The following GTF2IRD1 variants were observed in gnomAD, a reference collection of about 807,000 sequenced individuals.
GTF2IRD1 encodes the protein general transcription factor II-I repeat domain-containing protein 1.
Under a neutral mutation model 113.2 loss-of-function variants are expected in GTF2IRD1, and 26 were observed. The observed-to-expected ratio is 0.23, with a 90% CI of 0.17 to 0.32. The LOEUF (loss-of-function observed/expected upper bound fraction) is 0.32, where lower values mean the gene tolerates loss of function less well. Among genes scored for constraint, GTF2IRD1 ranks in the 10% least tolerant of loss-of-function variants. The probability of loss-of-function intolerance (pLI) is 1.00; values close to 1 mark genes in which losing one functional copy is unlikely to be tolerated. For missense variants in GTF2IRD1, 864 were observed against 1,280.8 expected (o/e 0.67, Z 4.97); for synonymous variants, 484 against 529.1 (o/e 0.91, Z 1.17).
intron 9 of GTF2IRD1, among the ~76,000 whole-genome samples, chr7:74,533,757 G>A (rs1467192538): frequency 6.6e-6 from 1 of 152,162 alleles, no homozygotes; most frequent in Non-Finnish European, 1.5e-5. Context: ...CACAAGGCCA[G>A]GCACAGTGGC....
intron 22 of GTF2IRD1, chr7:74,571,269 G>GTC: frequency 4.8e-6 from 1 of 207,502 alleles, no homozygotes; most frequent in Non-Finnish European, 8.4e-6. Context: ...GGCCACCCTG[G>GTC]AGTGCATGAC....
At chr7:74,540,779 C>G (rs1232487298) in intron 14 of GTF2IRD1, among the ~76,000 whole-genome samples, 3 of 151,800 alleles carry the variant, frequency 2.0e-5, no homozygotes, top group East Asian at 2.0e-4. Flanking sequence ...AGAGACCCAT[C>G]TCTTAAATTT....
At chr7:74,543,753 T>C (rs1554352377) in intron 14 of GTF2IRD1, among the ~76,000 whole-genome samples, 1 of 149,690 alleles carries the variant, frequency 6.7e-6, no homozygotes, top group South Asian at 2.1e-4. Flanking sequence ...TTTTAAAAAG[T>C]AGCCAGCCGT....
At chr7:74,480,883 C>T (rs60965041) in intron 1 of GTF2IRD1, among the ~76,000 whole-genome samples, 23,115 of 152,164 alleles carry the variant, frequency 0.15, 2,243 homozygotes, top group African/African-American at 0.27. Context: ...TCCTAAATCC[C>T]GTCCTCCACG....
intron 14 of GTF2IRD1, among the ~76,000 whole-genome samples, chr7:74,544,364 T>G: frequency 6.6e-6 from 1 of 152,164 alleles, no homozygotes; most frequent in Non-Finnish European, 1.5e-5. Context: ...TTTTGTATTT[T>G]TAGTAGAGAC....
At chr7:74,501,308 G>T (rs143428768) in intron 1 of GTF2IRD1, among the ~76,000 whole-genome samples, 167 of 152,332 alleles carry the variant, frequency 1.1e-3, no homozygotes, top group African/African-American at 3.8e-3. Context: ...GATTTAGTTG[G>T]TATGACCCGA....
intron 1 of GTF2IRD1, among the ~76,000 whole-genome samples, chr7:74,503,775 A>G (rs1796156835): frequency 6.6e-6 from 1 of 152,194 alleles, no homozygotes; most frequent in African/African-American, 2.4e-5. Flanking sequence ...CTTTTATTTT[A>G]GATTCTCAGG....
At chr7:74,558,718 C>A in intron 20 of GTF2IRD1, 143 bp from the exon 21 acceptor site, 3 of 573,820 alleles carry the variant, frequency 5.2e-6, no homozygotes, top group Non-Finnish European at 9.0e-6. Flanking sequence ...TACCTTTCCA[C>A]AGTGCTACAC....
chr7:74,580,304 C>T (rs1467817229), intron 22 of GTF2IRD1, among the ~76,000 whole-genome samples: 3 of 152,268 alleles, frequency 2.0e-5, no homozygotes, highest in Non-Finnish European at 4.4e-5. Context: ...CATTATCCCA[C>T]GCTTCTGCTA....
At chr7:74,479,548 A>G (rs1794618486) in intron 1 of GTF2IRD1, among the ~76,000 whole-genome samples, 1 of 152,210 alleles carries the variant, frequency 6.6e-6, no homozygotes, top group African/African-American at 2.4e-5. Flanking sequence ...GTAGAAGAGC[A>G]GGGCCTGGGC....
chr7:74,469,559 G>T (rs913331795), intron 1 of GTF2IRD1, among the ~76,000 whole-genome samples: 3 of 152,158 alleles, frequency 2.0e-5, no homozygotes, highest in Non-Finnish European at 2.9e-5. Flanking sequence ...CCTTTTCTCA[G>T]TGAGTATAAT....
intron 1 of GTF2IRD1, among the ~76,000 whole-genome samples, chr7:74,473,892 G>C (rs1228282456): frequency 1.3e-5 from 2 of 152,104 alleles, no homozygotes; most frequent in Non-Finnish European, 2.9e-5. Context: ...TTCGAGACCA[G>C]CCTGACCAAC....
chr7:74,540,905 G>A (rs1489481510), intron 14 of GTF2IRD1, among the ~76,000 whole-genome samples: 1 of 151,956 alleles, frequency 6.6e-6, no homozygotes, highest in Non-Finnish European at 1.5e-5. Flanking sequence ...GGGATTACAG[G>A]CGCCCGCCAC....
intron 22 of GTF2IRD1, among the ~76,000 whole-genome samples, chr7:74,588,996 C>G (rs1389233431): frequency 6.6e-6 from 1 of 152,132 alleles, no homozygotes; most frequent in African/African-American, 2.4e-5. Context: ...AGGGAAGCAG[C>G]CCTGCCTCTT....
intron 1 of GTF2IRD1, among the ~76,000 whole-genome samples, chr7:74,488,311 T>C (rs569517131): frequency 6.6e-6 from 1 of 152,224 alleles, no homozygotes; most frequent in African/African-American, 2.4e-5. Flanking sequence ...ACACTCAGAA[T>C]CTTCAAATCT....
chr7:74,581,727 T>G (rs1216215575), intron 22 of GTF2IRD1, among the ~76,000 whole-genome samples: 3 of 152,060 alleles, frequency 2.0e-5, no homozygotes, highest in Non-Finnish European at 4.4e-5. Context: ...GCTCAGCTGG[T>G]CTGGGCACGA....
chr7:74,511,473 A>AT lies in GTF2IRD1; in HGVS notation c.124-1351dup, dbSNP rs554782737. On this transcript the variant is annotated intron_variant, in intron 2 of 26. Coordinates refer to ENST00000424337, the MANE Select transcript of GTF2IRD1 (RefSeq NM_005685.4). ...AGAAACAGCTGGATTTATTTGTTTT[A>AT]TTTTTTGTTAATAGTCTACAGTGTT... Among the ~76,000 whole-genome samples, 6 of 152,258 alleles carry AT rather than the reference A, an allele frequency of 3.9e-5. No individual in the cohort carries two copies. The East Asian group carries it at 9.6e-4, about 24-fold the overall frequency.
At chr7:74,533,283 C>T (rs1798082411) in intron 9 of GTF2IRD1, among the ~76,000 whole-genome samples, 1 of 152,008 alleles carries the variant, frequency 6.6e-6, no homozygotes, top group Admixed American at 6.6e-5. Flanking sequence ...TACAGGCATG[C>T]ACCACCACAC....
At position 74,601,099 on chromosome 7, in the gene GTF2IRD1, C is replaced by T. The variant is rs587763126; in HGVS notation, c.2685C>T (p.Ser895=). 1.3e-5 allele frequency: 21 copies of T among 1,614,002 alleles called. No individual in the cohort carries two copies. The East Asian group carries it at 1.6e-4, about 12-fold the overall frequency. ...RKRKRVSEGN[S]VSSSSSSSSS... The stretch of plus-strand genomic sequence containing the variant: ...GAAAGCGGGTCTCGGAAGGAAATTC[C>T]GTCTCCTCTTCCTCCTCGTCTTCCT... Residue 895 remains serine (S), a synonymous_variant, in exon 26 of 27, where the codon TCC becomes TCT. Coordinates refer to ENST00000424337, the MANE Select transcript of GTF2IRD1 (RefSeq NM_005685.4).
Sources: allele counts gnomAD v4.1 joint callset (sites outside exome capture counted in the v4.1 genomes callset), GRCh38; gene constraint gnomAD v4.1.1; transcripts MANE v1.5; gene names NCBI Gene and HGNC (gene_info 2026-07-23, HGNC 2026-07-21).